The following ESF1 variants were observed in gnomAD, a reference collection of about 807,000 sequenced individuals.
ESF1 encodes ESF1 homolog.
ESF1 carries 58 observed loss-of-function variants against 92.0 expected under a neutral mutation model. The ratio of observed to expected loss-of-function variants is 0.63; its 90% CI spans 0.51 to 0.78. ESF1 has a LOEUF of 0.78. Among genes scored for constraint, ESF1 ranks in the 30% least tolerant of loss-of-function variants. The pLI is 0.00. For synonymous variants in ESF1, 321 were observed against 313.7 expected (o/e 1.02, Z -0.24); for missense variants, 922 against 989.1 (o/e 0.93, Z 0.91).
At chr20:13,778,614 ATCT>A (rs1434509082) in intron 2 of ESF1, among the ~76,000 whole-genome samples, 1 of 152,174 alleles carries the variant, frequency 6.6e-6, no homozygotes, top group Non-Finnish European at 1.5e-5. Context: ...ATCATCAAAA[ATCT>A]TCTCACTTAT....
At chr20:13,780,261 T>C (rs1171687240) in intron 2 of ESF1, among the ~76,000 whole-genome samples, 1 of 152,134 alleles carries the variant, frequency 6.6e-6, no homozygotes, top group Non-Finnish European at 1.5e-5. Flanking sequence ...ACTAAGAAAA[T>C]TAAATGAGAA....
intron 9 of ESF1, among the ~76,000 whole-genome samples, chr20:13,747,284 G>A (rs2050056267): frequency 6.6e-6 from 1 of 151,904 alleles, no homozygotes; most frequent in South Asian, 2.1e-4. Context: ...AACAGGGCTG[G>A]GCATGGTGGC....
At chr20:13,738,512 A>C (rs955840290) in intron 9 of ESF1, among the ~76,000 whole-genome samples, 5 of 151,978 alleles carry the variant, frequency 3.3e-5, no homozygotes, top group Non-Finnish European at 7.4e-5. Context: ...CGTAAGTCTC[A>C]CTATGTTGCC....
intron 1 of ESF1, among the ~76,000 whole-genome samples, chr20:13,783,912 C>T (rs1338225966): frequency 1.3e-5 from 2 of 152,230 alleles, no homozygotes; most frequent in Non-Finnish European, 2.9e-5. Context: ...TCTCCGGCTA[C>T]TGCCAACAAA....
chr20:13,751,047 G>C (rs1014625303), intron 9 of ESF1, among the ~76,000 whole-genome samples: 15 of 152,198 alleles, frequency 9.9e-5, no homozygotes, highest in Middle Eastern at 3.2e-3. Flanking sequence ...GTGAGAAAAT[G>C]TAATAAAAGG....
At chr20:13,717,648 T>A in intron 12 of ESF1, 134 bp from the exon 13 acceptor site, 1 of 888,376 alleles carries the variant, frequency 1.1e-6, no homozygotes, top group Non-Finnish European at 1.7e-6. Flanking sequence ...CCACCTGTTG[T>A]CTGTAAACTG....
Position 13,776,011 on chromosome 20 carries a change from G to A in ESF1, c.897C>T (p.Gly299=), listed in dbSNP as rs753336404. ...DSEDDDKSDS[G]PDLARGKGNI... is the part of the protein sequence containing the mutation. The stretch of plus-strand genomic sequence containing the variant: ...TTCCTTTACCCCTTGCAAGATCAGG[G>A]CCACTGTCACTTTTATCATCATCCT... Residue 299 remains glycine (G), a synonymous_variant, in exon 3 of 14, where the codon GGC becomes GGT. Coordinates refer to ENST00000617257, the MANE Select transcript of ESF1 (RefSeq NM_001276380.2). 3.0e-5 allele frequency: 48 copies of A among 1,613,658 alleles called. No individual in the cohort carries two copies. Among genetic ancestry groups the A allele is most frequent in the African/African-American group, 4.0e-5 (3 of 74,846 alleles).
intron 7 of ESF1, among the ~76,000 whole-genome samples, chr20:13,768,535 T>C (rs999528083): frequency 1.3e-5 from 2 of 151,306 alleles, no homozygotes; most frequent in East Asian, 1.9e-4. Flanking sequence ...TGAGCCAGGA[T>C]TGCACCACCG....
chr20:13,778,048 G>A (rs2147448817), intron 2 of ESF1, among the ~76,000 whole-genome samples: 1 of 152,236 alleles, frequency 6.6e-6, no homozygotes, highest in Non-Finnish European at 1.5e-5. Context: ...ACCATTTACT[G>A]ATTTATAAAT....
chr20:13,717,703 T>C (rs2049839524), intron 12 of ESF1, among the ~76,000 whole-genome samples, 189 bp from the exon 13 acceptor site: 1 of 152,252 alleles, frequency 6.6e-6, no homozygotes, highest in South Asian at 2.1e-4. Flanking sequence ...AGCAATAAGG[T>C]AGAATCTCTG....
rs1479683096 is a variant in ESF1 at position 13,733,741 on chromosome 20, T to C, written c.1930A>G (p.Arg644Gly). Residue 644 changes from arginine (R) to glycine (G), a missense_variant, in exon 10 of 14, where the codon AGA (arginine) becomes GGA (glycine). Physicochemically the swap from Arg to Gly is moderately radical, Grantham distance 125. Transcript: ENST00000617257. ...GATACCTTCTGTTTCCTTTTCAGTCTTTTTTTCTCTTTCTTCTTCTCTAAA... is the reference window on the plus strand; with the variant it reads ...GATACCTTCTGTTTCCTTTTCAGTCCTTTTTTCTCTTTCTTCTTCTCTAAA... ...QFLEKKKEKK[R>G]LKRKQKALAE... The C allele has an allele frequency of 1.2e-6, 2 of 1,610,768 alleles. No individual in the cohort carries two copies. The highest frequency in any genetic ancestry group is 1.7e-6 in the Non-Finnish European group (2 of 1,178,890).
chr20:13,772,497 T>C lies in ESF1; in HGVS notation c.1250+18A>G, dbSNP rs773509614. Reference sequence around the variant, plus strand: ...GAATTTATGAGGTTTAGTTTTATGTTCTATAGTGATTTAATACCAGTCTTT... The same window carrying C: ...GAATTTATGAGGTTTAGTTTTATGTCCTATAGTGATTTAATACCAGTCTTT... On this transcript the variant is annotated intron_variant, in intron 5 of 13. Transcript: ENST00000617257. 6.5e-7 allele frequency: 1 copy of C among 1,532,354 alleles called. No individual in the cohort carries two copies. Among genetic ancestry groups the C allele is most frequent in the South Asian group, 1.1e-5 (1 of 89,406 alleles). 94.9% of individuals were successfully genotyped at this position (1,532,354 alleles called of 1,614,324 possible).
At chr20:13,738,792 G>A (rs80146481) in intron 9 of ESF1, among the ~76,000 whole-genome samples, 11,062 of 152,178 alleles carry the variant, frequency 0.073, 439 homozygotes, top group Non-Finnish European at 0.087. Flanking sequence ...TAACTCTAGC[G>A]GCCAGTGAAA....
chr20:13,770,038 A>T lies in ESF1; in HGVS notation c.1404-17T>A, dbSNP rs1304998379. 6.7e-7 allele frequency: 1 copy of T among 1,490,330 alleles called. No individual in the cohort carries two copies. The highest frequency in any genetic ancestry group is 1.4e-5 in the African/African-American group (1 of 71,378). The allele number at this position is 1,490,330 out of a possible 1,614,324, so 92.3% of individuals were successfully genotyped here. ...GGTATAAACCTAAGAAGTAAAGAAA[A>T]AAAATTTATTTAAAATACGCTGCAG... On this transcript the variant is annotated splice_polypyrimidine_tract_variant and intron_variant, in intron 6 of 13. Transcript: ENST00000617257.
chr20:13,765,080 G>A lies in ESF1; in HGVS notation c.1666+1697C>T, dbSNP rs934220546. ...TCTACTAAAAACACAAAAATTACCCGGGCATGGTGGTGGGCACCCGCAGTC... is the reference window on the plus strand; with the variant it reads ...TCTACTAAAAACACAAAAATTACCCAGGCATGGTGGTGGGCACCCGCAGTC... On this transcript the variant is annotated intron_variant, in intron 8 of 13. Coordinates refer to ENST00000617257, the MANE Select transcript of ESF1 (RefSeq NM_001276380.2). Among the ~76,000 whole-genome samples the A allele has an allele frequency of 2.6e-5, 4 of 151,952 alleles. No individual in the cohort carries two copies. The East Asian group carries it at 5.8e-4, about 22-fold the overall frequency.
At chr20:13,726,917 T>C (rs1050579896) in intron 11 of ESF1, among the ~76,000 whole-genome samples, 2 of 152,054 alleles carry the variant, frequency 1.3e-5, no homozygotes, top group Non-Finnish European at 1.5e-5. Flanking sequence ...ATAGAAACAA[T>C]TACCCTCTGG....
chr20:13,764,945 A>G (rs1219495144), intron 8 of ESF1, among the ~76,000 whole-genome samples: 2 of 151,956 alleles, frequency 1.3e-5, no homozygotes, highest in Non-Finnish European at 2.9e-5. Context: ...AACAAAGGCC[A>G]GGCACAGAGG....
intron 9 of ESF1, among the ~76,000 whole-genome samples, chr20:13,737,511 T>C (rs1202044531): frequency 6.6e-6 from 1 of 152,212 alleles, no homozygotes; most frequent in East Asian, 1.9e-4. Flanking sequence ...ACAAAATGTA[T>C]ATTTAAACAT....
chr20:13,768,907 A>AC (rs1316736662), intron 7 of ESF1, among the ~76,000 whole-genome samples: 1 of 151,452 alleles, frequency 6.6e-6, no homozygotes, highest in East Asian at 1.9e-4. Context: ...CAAAAAAAAA[A>AC]AAAAAAGAAA....
Sources: allele counts gnomAD v4.1 joint callset (sites outside exome capture counted in the v4.1 genomes callset), GRCh38; gene constraint gnomAD v4.1.1; transcripts MANE v1.5; gene names NCBI Gene and HGNC (gene_info 2026-07-23, HGNC 2026-07-21).